Variants in UGGT2 observed in about 807,000 individuals in gnomAD.
UGGT2 encodes the protein UDP-glucose:glycoprotein glucosyltransferase 2.
UGGT2 carries 180 observed loss-of-function variants against 192.1 expected under a neutral mutation model. The ratio of observed to expected loss-of-function variants is 0.94; its 90% confidence interval spans 0.83 to 1.06. UGGT2 has a LOEUF of 1.06. Ranked by LOEUF, UGGT2 falls within the 50% of genes least tolerant of loss-of-function variation. The pLI is 0.00. For synonymous variants in UGGT2, 580 were observed against 591.0 expected, an observed-to-expected ratio of 0.98 and a Z score of 0.27; for missense variants, 1,849 against 1,795.7, an observed-to-expected ratio of 1.03 and a Z score of -0.54.
At chr13:95,926,453 GT>G (rs1374680484) in intron 19 of UGGT2, among the ~76,000 whole-genome samples, 2 of 152,150 alleles carry the variant, frequency 1.3e-5, no homozygotes, top group African/African-American at 4.8e-5. Context: ...ATTGGCTCTT[GT>G]TTTTATTTCT....
chr13:95,920,887 G>A lies in UGGT2; in HGVS notation c.2295+4793C>T, dbSNP rs770168394. Among the ~76,000 whole-genome samples the A allele has an allele frequency of 1.6e-4, 24 of 151,780 alleles. 1 individual carries two copies. Among genetic ancestry groups the A allele is most frequent in the South Asian group, 2.1e-4 (1 of 4,808 alleles). On this transcript the variant is annotated intron_variant, in intron 20 of 38. Coordinates refer to ENST00000376747, the MANE Select transcript of UGGT2 (RefSeq NM_020121.4). ...TTCTGTTAAATATTATAAGGATACA[G>A]GAACGTGTATGTTCATTGCAGCACC...
chr13:96,052,145 GAATC>G (rs1421049033), intron 1 of UGGT2, among the ~76,000 whole-genome samples: 10 of 152,284 alleles, frequency 6.6e-5, no homozygotes, highest in African/African-American at 2.2e-4. Flanking sequence ...CCATAAAAAG[GAATC>G]AATTAATGGC....
At chr13:95,928,185 T>C (rs2049095578) in intron 17 of UGGT2, among the ~76,000 whole-genome samples, 1 of 152,084 alleles carries the variant, frequency 6.6e-6, no homozygotes, top group African/African-American at 2.4e-5. Flanking sequence ...TGGGTACACC[T>C]CCCAGACGGG....
intron 32 of UGGT2, 45 bp downstream of exon 32, chr13:95,860,743 G>A: frequency 8.1e-7 from 1 of 1,235,078 alleles, no homozygotes; most frequent in Non-Finnish European, 1.1e-6. Context: ...TTTGAACCAT[G>A]TAAATATTTC....
At chr13:95,942,829 G>T (rs1335292781) in intron 15 of UGGT2, among the ~76,000 whole-genome samples, 1 of 152,082 alleles carries the variant, frequency 6.6e-6, no homozygotes, top group Non-Finnish European at 1.5e-5. Flanking sequence ...TTTTCCTGCA[G>T]ACTTAGAGCT....
Position 95,856,149 on chromosome 13 carries a change from C to A in UGGT2, c.4008+9G>T. On this transcript the variant is annotated intron_variant, in intron 34 of 38. Transcript: ENST00000376747. ...GCGTATTACTAAAAATAGTAGTTAA[C>A]CTTATTACCTGGTCAGCATCAACAA... The A allele has an allele frequency of 6.2e-7, 1 of 1,602,896 alleles. No homozygotes were observed. The highest frequency in any genetic ancestry group is 8.5e-7 in the Non-Finnish European group (1 of 1,175,958).
At chr13:95,804,372 T>C (rs1884205448) in intron 38 of UGGT2, among the ~76,000 whole-genome samples, 1 of 152,198 alleles carries the variant, frequency 6.6e-6, no homozygotes, top group African/African-American at 2.4e-5. Context: ...TTAAGATGTC[T>C]ATACTACCCA....
At chr13:95,924,791 T>C (rs1239209072) in intron 20 of UGGT2, among the ~76,000 whole-genome samples, 1 of 152,198 alleles carries the variant, frequency 6.6e-6, no homozygotes, top group Non-Finnish European at 1.5e-5. Flanking sequence ...TGAAGCACTC[T>C]GCTAAAAGCC....
intron 27 of UGGT2, 151 bp from the exon 28 acceptor site, chr13:95,878,007 T>C: frequency 1.3e-6 from 1 of 782,596 alleles, no homozygotes; most frequent in African/African-American, 1.8e-5. Context: ...AATTCATGAG[T>C]TGAACTGATT....
At chr13:95,882,710 C>T (rs900946701) in intron 27 of UGGT2, among the ~76,000 whole-genome samples, 6 of 152,148 alleles carry the variant, frequency 3.9e-5, no homozygotes, top group African/African-American at 7.2e-5. Flanking sequence ...TCTAAAAAGA[C>T]GCTATTAGAT....
At chr13:95,909,828 G>A (rs1181030120) in intron 20 of UGGT2, among the ~76,000 whole-genome samples, 2 of 136,126 alleles carry the variant, frequency 1.5e-5, no homozygotes, top group African/African-American at 2.8e-5. Context: ...AAACTGTTAA[G>A]GGCAACCAGA....
chr13:95,856,635 A>G, intron 33 of UGGT2: 1 of 426,998 alleles, frequency 2.3e-6, no homozygotes, highest in Non-Finnish European at 4.4e-6. Context: ...TTTTATTGTT[A>G]ACATCTGACT....
rs397840382 is a variant in UGGT2 at position 95,833,309 on chromosome 13, C to CA, written c.4402-257dup. 5.0e-4 allele frequency among the ~76,000 whole-genome samples: 75 copies of CA among 150,936 alleles called. 1 individual carries two copies. In the East Asian group the frequency reaches 0.011, roughly 22 times the overall value. ...ACATTCTGATGACTCATAAGTCTGT[C>CA]AAAAAAAAATTATGTAAAACTTTTT... On this transcript the variant is annotated intron_variant, in intron 37 of 38. Transcript: ENST00000376747.
chr13:96,016,441 C>T (rs560372832), intron 4 of UGGT2, among the ~76,000 whole-genome samples: 27 of 152,192 alleles, frequency 1.8e-4, no homozygotes, highest in Non-Finnish European at 3.8e-4. Flanking sequence ...CTGTGCCATG[C>T]CAGCAGGTTG....
chr13:95,978,196 TA>T (rs545524400), intron 10 of UGGT2, among the ~76,000 whole-genome samples: 1 of 151,976 alleles, frequency 6.6e-6, no homozygotes, highest in Non-Finnish European at 1.5e-5. Context: ...AAATTAAAAT[TA>T]AAAAAAGAGC....
Position 95,947,999 on chromosome 13 carries a change from A to G in UGGT2, c.1538T>C (p.Leu513Pro). Residue 513 changes from leucine (L) to proline (P), a missense_variant, in exon 14 of 39, where the codon CTT becomes CCT. Transcript: ENST00000376747. ...AATGCTATAAAATGACAATTACCTAAGAGGAACTTCGTGAGAATAGAAAAC... is the reference window on the plus strand; with the variant it reads ...AATGCTATAAAATGACAATTACCTAGGAGGAACTTCGTGAGAATAGAAAAC... ...ADVFYSHEVP[L>P]RIGFVFILNT... The G allele has an allele frequency of 6.2e-7, 1 of 1,611,076 alleles. No individual in the cohort carries two copies. The highest frequency in any genetic ancestry group is 8.5e-7 in the Non-Finnish European group (1 of 1,177,840).
intron 20 of UGGT2, among the ~76,000 whole-genome samples, chr13:95,907,644 T>C (rs2048335460): frequency 6.6e-6 from 1 of 152,128 alleles, no homozygotes; most frequent in Non-Finnish European, 1.5e-5. Flanking sequence ...TCCAACAGAC[T>C]TGCAGCTGAG....
At chr13:95,827,043 T>C (rs932290618) in intron 38 of UGGT2, among the ~76,000 whole-genome samples, 8 of 152,222 alleles carry the variant, frequency 5.3e-5, no homozygotes, top group African/African-American at 1.9e-4. Context: ...CATCCTAATA[T>C]TGGAATTTAA....
intron 29 of UGGT2, among the ~76,000 whole-genome samples, chr13:95,876,430 T>C (rs1174125911): frequency 6.6e-6 from 1 of 152,128 alleles, no homozygotes; most frequent in Non-Finnish European, 1.5e-5. Context: ...TTGGACAGGC[T>C]TGGAAACTGA....
Sources: gnomAD v4.1 joint callset for allele counts (sites outside exome capture counted in the v4.1 genomes callset) on GRCh38, gnomAD v4.1.1 for gene constraint, MANE v1.5 for transcripts, NCBI Gene and HGNC (gene_info 2026-07-23, HGNC 2026-07-21) for gene names.